MRS2: variants seen among roughly 807,000 people sequenced by gnomAD.
MRS2 encodes magnesium transporter MRS2.
Under a neutral mutation model 52.6 loss-of-function variants are expected in MRS2, and 40 were observed. The observed-to-expected ratio is 0.76, with a 90% confidence interval of 0.59 to 0.99. The LOEUF (loss-of-function observed/expected upper bound fraction) is 0.99. Ranked by LOEUF, MRS2 falls within the 50% of genes least tolerant of loss-of-function variation. The pLI, the probability that MRS2 is intolerant of heterozygous loss-of-function variation, is 0.00. For synonymous variants in MRS2, 193 were observed against 195.9 expected, an observed-to-expected ratio of 0.98 and a Z score of 0.13; for missense variants, 472 against 532.7, an observed-to-expected ratio of 0.89 and a Z score of 1.12.
rs1359580251 is a variant in MRS2, at chr6:24,405,162, C to T, written c.191-6C>T. 2.5e-6 allele frequency: 4 copies of T among 1,610,480 alleles called. No homozygotes were observed. The Admixed American group carries it at 6.7e-5, about 27-fold the overall frequency. Reference sequence around the variant, plus strand: ...ACCACAGGAATTCTCTTAATTTATTCTTCAGGTGAAGTGCACCGGTTTAGA... The same window carrying T: ...ACCACAGGAATTCTCTTAATTTATTTTTCAGGTGAAGTGCACCGGTTTAGA... On this transcript the variant is annotated splice_polypyrimidine_tract_variant and splice_region_variant and intron_variant, in intron 1 of 10. Transcript: ENST00000378386.
At chr6:24,408,340 T>G (rs1228054392) in intron 2 of MRS2, 68 bp from the exon 3 acceptor site, 1 of 1,001,676 alleles carries the variant, frequency 1.0e-6, no homozygotes, top group Non-Finnish European at 1.6e-6. Flanking sequence ...CTTAACTAAA[T>G]TAGCAATACC....
In MRS2 at chr6:24,423,609, T is replaced by G. The variant is rs763927400; in HGVS notation, c.1247T>G (p.Leu416Arg). Reference protein sequence around the residue: ...PMMASLPKKTLLADRSMELKN... With the variant: ...PMMASLPKKTRLADRSMELKN... ...ATGGCTTCTTTACCTAAAAAGACTC[T>G]TCTGGCAGATAGAAGCATGGAATTG... The change falls in exon 11 of 11, where the codon CTT becomes CGT. Residue 416 changes from leucine to arginine, a missense_variant. Coordinates refer to ENST00000378386, the MANE Select transcript of MRS2 (RefSeq NM_020662.4). 11 of 1,609,624 alleles carry G rather than the reference T, an allele frequency of 6.8e-6. No individual in the cohort carries two copies. The highest frequency in any genetic ancestry group is 1.3e-5 in the African/African-American group (1 of 74,788).
chr6:24,419,860 T>C (rs1761983616), intron 9 of MRS2, among the ~76,000 whole-genome samples: 1 of 151,854 alleles, frequency 6.6e-6, no homozygotes, highest in African/African-American at 2.4e-5. Flanking sequence ...CAGAACCCAC[T>C]GACTGTGTTT....
Position 24,422,098 on chromosome 6 carries a change from C to T in MRS2, c.1108-839C>T, listed in dbSNP as rs144628140. ...CAGGTAGACGGAGGTTGCAGTGAGC[C>T]AAGATTGAGCCACTGGACTCCATCC... is the stretch of plus-strand genomic sequence containing the variant. On this transcript the variant is annotated intron_variant, in intron 9 of 10. Transcript: ENST00000378386. Among the ~76,000 whole-genome samples the T allele has an allele frequency of 4.1e-3, 629 of 152,288 alleles. 3 individuals carry two copies. Among genetic ancestry groups the T allele is most frequent in the Non-Finnish European group, 7.0e-3 (475 of 68,018 alleles).
chr6:24,415,046 A>G lies in MRS2; in HGVS notation c.602A>G (p.Gln201Arg), dbSNP rs1325162120. ...ALLQYWINTL[Q>R]GKLSILQPLI... ...GTTGTTATCTAGATCAACACCCTTCAGGGGAAACTTAGCATTTTGCAGCCA... is the reference window on the plus strand; with the variant it reads ...GTTGTTATCTAGATCAACACCCTTCGGGGGAAACTTAGCATTTTGCAGCCA... The change falls in exon 6 of 11, where the codon CAG (glutamine) becomes CGG (arginine). Residue 201 changes from glutamine (Q) to arginine (R), a missense_variant. Gln to Arg is a conservative substitution (Grantham distance 43). Coordinates refer to ENST00000378386, the MANE Select transcript of MRS2 (RefSeq NM_020662.4). 1 of 1,609,560 alleles carries G rather than the reference A, an allele frequency of 6.2e-7. No individual in the cohort carries two copies. Among genetic ancestry groups the G allele is most frequent in the Non-Finnish European group, 8.5e-7 (1 of 1,176,548 alleles).
In MRS2 at chr6:24,408,409, C is replaced by G. The variant is rs750818086; in HGVS notation, c.266C>G (p.Thr89Arg). The G allele has an allele frequency of 6.3e-7, 1 of 1,577,174 alleles. No homozygotes were observed. The highest frequency in any genetic ancestry group is 8.7e-7 in the Non-Finnish European group (1 of 1,148,022). The change falls in exon 3 of 11, where the codon ACA becomes AGA. Residue 89 changes from threonine (T) to arginine (R), a missense_variant and splice_region_variant. Coordinates refer to ENST00000378386, the MANE Select transcript of MRS2 (RefSeq NM_020662.4). ...LASVAPVFTV[T>R]KFDKQGNVTS... Reference sequence around the variant, plus strand: ...ATTTGTTTTATTCTCTATTTTCAGACAAAATTTGACAAACAGGGAAACGTT... The same window carrying G: ...ATTTGTTTTATTCTCTATTTTCAGAGAAAATTTGACAAACAGGGAAACGTT...
intron 9 of MRS2, among the ~76,000 whole-genome samples, chr6:24,419,847 A>C (rs1327458052): frequency 6.6e-6 from 1 of 152,116 alleles, no homozygotes; most frequent in African/African-American, 2.4e-5. Context: ...ATATCTGCAG[A>C]TACAGAACCC....
At chr6:24,410,929 C>G (rs1412189002) in intron 4 of MRS2, 1 of 505,000 alleles carries the variant, frequency 2.0e-6, no homozygotes, top group Non-Finnish European at 3.5e-6. Flanking sequence ...TGGCTCACAT[C>G]TGTAATCCCA....
intron 10 of MRS2, 48 bp downstream of exon 10, chr6:24,423,098 T>C (rs112454766): frequency 2.0e-6 from 3 of 1,486,552 alleles, no homozygotes; most frequent in Non-Finnish European, 2.8e-6. Context: ...GTTATGATCA[T>C]GGGCCCTAAA....
chr6:24,413,445 C>T (rs116464581), intron 5 of MRS2, among the ~76,000 whole-genome samples: 1,729 of 152,224 alleles, frequency 0.011, 16 homozygotes, highest in South Asian at 0.046. Context: ...GATAAGTTTT[C>T]GAACAAGGGA....
rs1439095470 is a variant in MRS2, at chr6:24,425,734, GGT to G, written c.*2044_*2045del. 3 of 152,192 alleles carry G rather than the reference GGT, an allele frequency of 2.0e-5. No homozygotes were observed. Among genetic ancestry groups the G allele is most frequent in the African/African-American group, 7.2e-5 (3 of 41,442 alleles). The allele number at this position is 152,192 out of a possible 1,614,324, so 9.4% of individuals were successfully genotyped here. On this transcript the variant is annotated 3_prime_UTR_variant, in exon 11 of 11. Coordinates refer to ENST00000378386, the MANE Select transcript of MRS2 (RefSeq NM_020662.4). ...ACACATCAAGTGTCGAACACGTCAAGGTGTGATACTGTCTTTGGAAGGCTCCT... is the reference window on the plus strand; with the variant it reads ...ACACATCAAGTGTCGAACACGTCAAGGTGATACTGTCTTTGGAAGGCTCCT...
rs188643015 is a variant in MRS2 at position 24,425,048 on chromosome 6, C to T, written c.*1354C>T. On this transcript the variant is annotated 3_prime_UTR_variant, in exon 11 of 11. Coordinates refer to ENST00000378386, the MANE Select transcript of MRS2 (RefSeq NM_020662.4). ...GAGCACGCAGTGGCCCCTGTGCCAC[C>T]ACACTGTGGGTCAGGAACACGCGTC... 2.0e-5 allele frequency: 3 copies of T among 152,338 alleles called. No homozygotes were observed. The highest frequency in any genetic ancestry group is 6.5e-5 in the Admixed American group (1 of 15,300). 9.4% of individuals were successfully genotyped at this position (152,338 alleles called of 1,614,324 possible). A position where few individuals can be genotyped will look rare whatever the true frequency, so the allele number is the denominator to read the frequency against.
chr6:24,416,489 C>A lies in MRS2; in HGVS notation c.812C>A (p.Ser271Ter). The change falls in exon 7 of 11, where the codon TCA becomes TAA. Residue 271 changes from serine (S) to a stop codon, truncating the protein, a stop_gained. Transcript: ENST00000378386. LOFTEE classifies it high-confidence loss of function. ...GAGTTGCTAGAAGAGCTCTGTGTATCAAAATGGAGTGACCCACAAGTCTTG... is the reference window on the plus strand; with the variant it reads ...GAGTTGCTAGAAGAGCTCTGTGTATAAAAATGGAGTGACCCACAAGTCTTG... ...EEELLEELCVSKWSDPQVFEK... is the reference protein window; with the variant it reads ...EEELLEELCV 6.3e-7 allele frequency: 1 copy of A among 1,577,470 alleles called. No homozygotes were observed. Among genetic ancestry groups the A allele is most frequent in the South Asian group, 1.1e-5 (1 of 89,546 alleles).
chr6:24,405,788 CCA>C (rs1761451203), intron 2 of MRS2, among the ~76,000 whole-genome samples: 3 of 48,256 alleles, frequency 6.2e-5, no homozygotes, highest in African/African-American at 1.3e-4. Flanking sequence ...TTTTTTTTTT[CCA>C]AAAAAAAAAA....
intron 8 of MRS2, 30 bp from the exon 9 acceptor site, chr6:24,418,431 T>G: frequency 1.2e-6 from 2 of 1,613,688 alleles, no homozygotes; most frequent in Non-Finnish European, 1.7e-6. Context: ...AGTGGGCCCT[T>G]CTAATCTGAA....
At position 24,423,842 on chromosome 6, in the gene MRS2, C is replaced by G. The variant is rs1762139238; in HGVS notation, c.*148C>G. 2 of 418,870 alleles carry G rather than the reference C, an allele frequency of 4.8e-6. No individual in the cohort carries two copies. Among genetic ancestry groups the G allele is most frequent in the Non-Finnish European group, 8.7e-6 (2 of 230,894 alleles). The allele number at this position is 418,870 out of a possible 1,614,324, so 25.9% of individuals were successfully genotyped here. ...TATTTTGGCAGTCACAATACCAGAACTGGATTGCATTTCCAGAATTCTGAG... is the reference window on the plus strand; with the variant it reads ...TATTTTGGCAGTCACAATACCAGAAGTGGATTGCATTTCCAGAATTCTGAG... On this transcript the variant is annotated 3_prime_UTR_variant, in exon 11 of 11. Coordinates refer to ENST00000378386, the MANE Select transcript of MRS2 (RefSeq NM_020662.4).
intron 10 of MRS2, 194 bp downstream of exon 10, chr6:24,423,244 A>G (rs1356650567): frequency 1.6e-5 from 9 of 553,644 alleles, no homozygotes; most frequent in South Asian, 4.9e-5. Context: ...GAATTAAACA[A>G]TATGTGTAAA....
intron 7 of MRS2, 60 bp downstream of exon 7, chr6:24,416,573 A>C (rs538751782): frequency 4.5e-6 from 4 of 887,804 alleles, no homozygotes; most frequent in Non-Finnish European, 7.3e-6. Context: ...TGCCTTTTCC[A>C]CTTCAAGGTG....
intron 5 of MRS2, among the ~76,000 whole-genome samples, chr6:24,413,831 A>G (rs182409764): frequency 6.6e-6 from 1 of 152,354 alleles, no homozygotes; most frequent in African/African-American, 2.4e-5. Context: ...TAGTTAGTAT[A>G]TGCTATTTGC....
Sources: gnomAD v4.1 joint callset for allele counts (sites outside exome capture counted in the v4.1 genomes callset) on GRCh38, gnomAD v4.1.1 for gene constraint, MANE v1.5 for transcripts, NCBI Gene and HGNC (gene_info 2026-07-23, HGNC 2026-07-21) for gene names.